TMTC1: variants seen among roughly 807,000 people sequenced by gnomAD.
The protein encoded by TMTC1 is transmembrane O-mannosyltransferase targeting cadherins 1.
TMTC1 carries 73 observed loss-of-function variants against 104.8 expected under a neutral mutation model. The observed-to-expected ratio is 0.70, with a 90% CI of 0.58 to 0.85. The LOEUF (loss-of-function observed/expected upper bound fraction) is 0.85. Among genes scored for constraint, TMTC1 ranks in the 40% least tolerant of loss-of-function variants. The pLI is 0.00. For missense variants in TMTC1, 1,035 were observed against 1,096.1 expected, an observed-to-expected ratio of 0.94 and a Z score of 0.79; for synonymous variants, 434 against 428.7, an observed-to-expected ratio of 1.01 and a Z score of -0.15.
chr12:29,726,387 C>T (rs962004394), intron 5 of TMTC1, among the ~76,000 whole-genome samples: 2 of 148,210 alleles, frequency 1.3e-5, no homozygotes, highest in Non-Finnish European at 3.1e-5. Context: ...ACAATATTTA[C>T]TCTGTTAGTT....
rs1943601773 is a variant in TMTC1 at position 29,501,843 on chromosome 12, A to C, written c.*5003T>G. On this transcript the variant is annotated 3_prime_UTR_variant, in exon 18 of 18. Transcript: ENST00000539277. ...TTTTAATATCAGCCAATTGATTGTT[A>C]TAAAGATCTTATCAATTCTGTTGTG... 1 of 152,184 alleles carries C rather than the reference A, an allele frequency of 6.6e-6. No homozygotes were observed. The highest frequency in any genetic ancestry group is 2.4e-5 in the African/African-American group (1 of 41,466). 9.4% of individuals were successfully genotyped at this position (152,184 alleles called of 1,614,324 possible).
intron 2 of TMTC1, among the ~76,000 whole-genome samples, chr12:29,767,156 T>C (rs977665332): frequency 6.6e-6 from 1 of 152,122 alleles, no homozygotes; most frequent in African/African-American, 2.4e-5. Flanking sequence ...ATTCACCACA[T>C]TGGCCAGGCT....
chr12:29,783,357 T>C lies in TMTC1; in HGVS notation c.302+93A>G. Reference sequence around the variant, plus strand: ...GAGGGAAAGGGCGGCAAAAATGAAATGCCCCCAAGTCAGTCCCGCAACTTC... The same window carrying C: ...GAGGGAAAGGGCGGCAAAAATGAAACGCCCCCAAGTCAGTCCCGCAACTTC... On this transcript the variant is annotated intron_variant, in intron 1 of 17. Transcript: ENST00000539277. The surrounding 1 kb of genome is among the most constrained non-coding windows in gnomAD (Gnocchi z 4.7). The C allele has an allele frequency of 8.8e-7, 1 of 1,140,988 alleles. No homozygotes were observed. Among genetic ancestry groups the C allele is most frequent in the Non-Finnish European group, 1.1e-6 (1 of 900,030 alleles). 70.7% of individuals were successfully genotyped at this position (1,140,988 alleles called of 1,614,324 possible).
chr12:29,668,577 C>G (rs1940381322), intron 5 of TMTC1, among the ~76,000 whole-genome samples: 1 of 151,542 alleles, frequency 6.6e-6, no homozygotes. Context: ...CCTCCTGCCT[C>G]AGCCCCTCTA....
At chr12:29,545,701 G>A (rs1944926241) in intron 10 of TMTC1, among the ~76,000 whole-genome samples, 1 of 145,252 alleles carries the variant, frequency 6.9e-6, no homozygotes, top group Non-Finnish European at 1.5e-5. Flanking sequence ...CCTCAGCAAA[G>A]TTTAAATTTC....
chr12:29,667,125 C>G (rs1940318073), intron 5 of TMTC1, among the ~76,000 whole-genome samples: 1 of 152,154 alleles, frequency 6.6e-6, no homozygotes, highest in South Asian at 2.1e-4. Context: ...TCTTTTGACA[C>G]TTAACAATAA....
Position 29,783,706 on chromosome 12 carries a change from G to A in TMTC1, c.46C>T (p.Pro16Ser). The A allele has an allele frequency of 8.0e-7, 1 of 1,244,406 alleles. No individual in the cohort carries two copies. The highest frequency in any genetic ancestry group is 1.0e-6 in the Non-Finnish European group (1 of 1,000,906). The allele number at this position is 1,244,406 out of a possible 1,614,324, so 77.1% of individuals were successfully genotyped here. ...AGCCCGCAGCCCCGCCGCCGGGAGG[G>A]TGTGCGGTCCCCGCCGCCGCCTCGG... ...SARGGGGDRT[P>S]SRRRGCGLAP... Residue 16 changes from proline to serine, a missense_variant, in exon 1 of 18, where the codon CCC becomes TCC. Transcript: ENST00000539277. This position sits in a 1 kb window ranked among gnomAD's most constrained non-coding sequence, Gnocchi z 4.7.
chr12:29,755,980 T>C, intron 3 of TMTC1, 95 bp from the exon 4 acceptor site: 2 of 1,278,516 alleles, frequency 1.6e-6, no homozygotes, highest in Non-Finnish European at 2.1e-6. Context: ...GTCAATTTCA[T>C]TGCATTCTAA....
At chr12:29,598,508 C>T (rs1368889592) in intron 7 of TMTC1, among the ~76,000 whole-genome samples, 1 of 152,192 alleles carries the variant, frequency 6.6e-6, no homozygotes, top group African/African-American at 2.4e-5. Flanking sequence ...TTATTCCAAT[C>T]CATGAACACA....
intron 10 of TMTC1, among the ~76,000 whole-genome samples, chr12:29,545,038 G>A (rs1251341820): frequency 2.0e-5 from 3 of 152,136 alleles, no homozygotes; most frequent in Non-Finnish European, 2.9e-5. Flanking sequence ...ATGCTTAGCC[G>A]AGTGTCTGGC....
chr12:29,767,761 TG>T, intron 2 of TMTC1, 136 bp downstream of exon 2: 1 of 715,232 alleles, frequency 1.4e-6, no homozygotes, highest in Non-Finnish European at 2.1e-6. Context: ...TTAGTTTACA[TG>T]TATATATCTA....
At chr12:29,575,768 G>A (rs1424267247) in intron 8 of TMTC1, among the ~76,000 whole-genome samples, 3 of 152,188 alleles carry the variant, frequency 2.0e-5, no homozygotes, top group East Asian at 1.9e-4. Context: ...ACCCGAGGAC[G>A]GATTGCTGGA....
intron 8 of TMTC1, among the ~76,000 whole-genome samples, chr12:29,581,949 A>T (rs1414027338): frequency 1.3e-5 from 2 of 152,094 alleles, no homozygotes; most frequent in African/African-American, 4.8e-5. Context: ...AGAATCTAAG[A>T]GTGATTTTGC....
chr12:29,758,238 C>T (rs1188832742), intron 3 of TMTC1, among the ~76,000 whole-genome samples: 1 of 152,058 alleles, frequency 6.6e-6, no homozygotes, highest in Non-Finnish European at 1.5e-5. Flanking sequence ...AATTGGAAAA[C>T]CACAGTCGAG....
In TMTC1 at chr12:29,501,237, T is replaced by A. The variant is rs1460630314; in HGVS notation, c.*5609A>T. ...ATTTTTAAGTGCACAAACTGCAAAATAGGAGTAACTACCTCTGCCATGTTC... is the reference window on the plus strand; with the variant it reads ...ATTTTTAAGTGCACAAACTGCAAAAAAGGAGTAACTACCTCTGCCATGTTC... On this transcript the variant is annotated 3_prime_UTR_variant, in exon 18 of 18. Coordinates refer to ENST00000539277, the MANE Select transcript of TMTC1 (RefSeq NM_001193451.2). The A allele has an allele frequency of 3.3e-5, 5 of 152,162 alleles. No individual in the cohort carries two copies. The highest frequency in any genetic ancestry group is 1.2e-4 in the African/African-American group (5 of 41,434). The allele number at this position is 152,162 out of a possible 1,614,324, so 9.4% of individuals were successfully genotyped here.
chr12:29,674,869 C>T (rs572678633), intron 5 of TMTC1, among the ~76,000 whole-genome samples: 1 of 152,358 alleles, frequency 6.6e-6, no homozygotes, highest in African/African-American at 2.4e-5. Flanking sequence ...AATGGGCCAG[C>T]AGCAGCCCTG....
In TMTC1 at chr12:29,710,528, A is replaced by AAT. The variant is rs551736686; in HGVS notation, c.938+41136_938+41137dup. Among the ~76,000 whole-genome samples, 939 of 146,120 alleles carry AAT rather than the reference A, an allele frequency of 6.4e-3. 7 individuals carry two copies. The highest frequency in any genetic ancestry group is 0.021 in the African/African-American group (826 of 40,152). On this transcript the variant is annotated intron_variant, in intron 5 of 17. Coordinates refer to ENST00000539277, the MANE Select transcript of TMTC1 (RefSeq NM_001193451.2). ...TTTAAAGAAGGATATATATATATAA[A>AAT]ATATATATATCCTTATATATAATAT...
At chr12:29,643,628 T>TAA (rs1565733216) in intron 5 of TMTC1, among the ~76,000 whole-genome samples, 663 of 12,744 alleles carry the variant, frequency 0.052, 52 homozygotes, top group African/African-American at 0.17. Flanking sequence ...TATCTATATA[T>TAA]TATATATATA....
chr12:29,783,430 G>C lies in TMTC1; in HGVS notation c.302+20C>G. The C allele has an allele frequency of 7.8e-7, 1 of 1,289,232 alleles. No individual in the cohort carries two copies. The highest frequency in any genetic ancestry group is 2.4e-5 in the South Asian group (1 of 42,264). The allele number at this position is 1,289,232 out of a possible 1,614,324, so 79.9% of individuals were successfully genotyped here. On this transcript the variant is annotated intron_variant, in intron 1 of 17. Coordinates refer to ENST00000539277, the MANE Select transcript of TMTC1 (RefSeq NM_001193451.2). The surrounding 1 kb of genome is among the most constrained non-coding windows in gnomAD (Gnocchi z 4.7). ...AGGGTAGAGGAGGCAGCGGCGGCTA[G>C]CGCGAGGTGAGGGACTCACTTGAAG...
Sources: allele counts gnomAD v4.1 joint callset (sites outside exome capture counted in the v4.1 genomes callset), GRCh38; gene constraint gnomAD v4.1.1; non-coding constraint Gnocchi (gnomAD v3.1); transcripts MANE v1.5; gene names NCBI Gene and HGNC (gene_info 2026-07-23, HGNC 2026-07-21).